The following NCOA3 variants were observed in gnomAD, a reference collection of about 807,000 sequenced individuals.
The protein encoded by NCOA3 is CBP-interacting protein.
Under a neutral mutation model 158.8 loss-of-function variants are expected in NCOA3, and 51 were observed. The observed-to-expected ratio is 0.32, with a 90% CI of 0.26 to 0.41. The LOEUF is 0.41. NCOA3 is among the 10% of genes least tolerant of loss of function. NCOA3 has a pLI of 1.00. For missense variants in NCOA3, 1,510 were observed against 1,746.6 expected, an observed-to-expected ratio of 0.86 and a Z score of 2.41; for synonymous variants, 537 against 592.4, an observed-to-expected ratio of 0.91 and a Z score of 1.36.
At chr20:47,610,146 T>C (rs1038733368) in intron 2 of NCOA3, among the ~76,000 whole-genome samples, 1 of 152,220 alleles carries the variant, frequency 6.6e-6, no homozygotes, top group Non-Finnish European at 1.5e-5. Flanking sequence ...TGTCATCAGA[T>C]GAATAATGGC....
At chr20:47,522,446 A>G (rs1176126981) in intron 1 of NCOA3, among the ~76,000 whole-genome samples, 2 of 140,844 alleles carry the variant, frequency 1.4e-5, no homozygotes, top group Non-Finnish European at 3.0e-5. Context: ...GAGAGAGTTT[A>G]ATAGGCAGAA....
At chr20:47,644,853 A>G (rs905966428) in intron 17 of NCOA3, among the ~76,000 whole-genome samples, 1 of 151,802 alleles carries the variant, frequency 6.6e-6, no homozygotes, top group African/African-American at 2.4e-5. Context: ...GCACGCCACC[A>G]CGCCCGGCTT....
At chr20:47,594,664 CAAAAAAAAAAAA>C (rs377014290) in intron 2 of NCOA3, among the ~76,000 whole-genome samples, 105 of 72,944 alleles carry the variant, frequency 1.4e-3, no homozygotes, top group African/African-American at 4.8e-3. Context: ...GACTCTGTCT[CAAAAAAAAAAAA>C]AAAAAAAAAA....
At chr20:47,593,230 G>A (rs1273385479) in intron 2 of NCOA3, among the ~76,000 whole-genome samples, 1 of 151,452 alleles carries the variant, frequency 6.6e-6, no homozygotes, top group South Asian at 2.1e-4. Flanking sequence ...ACTGCACCCG[G>A]CCACCACATA....
At chr20:47,532,906 C>A (rs2084569297) in intron 1 of NCOA3, among the ~76,000 whole-genome samples, 1 of 151,578 alleles carries the variant, frequency 6.6e-6, no homozygotes, top group South Asian at 2.1e-4. Context: ...AAGTTTGAGA[C>A]CAGCCTGGCC....
intron 1 of NCOA3, among the ~76,000 whole-genome samples, chr20:47,558,929 C>T (rs544070469): frequency 3.3e-5 from 5 of 151,524 alleles, no homozygotes; most frequent in African/African-American, 1.2e-4. Context: ...CAGTTTTCTC[C>T]AGCAGGAATT....
At position 47,647,224 on chromosome 20, in the gene NCOA3, T is replaced by C; in HGVS notation, c.3404T>C (p.Phe1135Ser). The change falls in exon 18 of 23, where the codon TTT becomes TCT. Residue 1135 changes from phenylalanine (F) to serine (S), a missense_variant. Physicochemically the swap from Phe to Ser is radical, Grantham distance 155 (BLOSUM62 -2). Coordinates refer to ENST00000371998, the MANE Select transcript of NCOA3 (RefSeq NM_181659.3). Reference sequence around the variant, plus strand: ...CATCTTCAGGGACAATCACCATCTTTTAACTCTATGATGAATCAGATGAAC... The same window carrying C: ...CATCTTCAGGGACAATCACCATCTTCTAACTCTATGATGAATCAGATGAAC... ...GFHLQGQSPS[F>S]NSMMNQMNQQ... 1 of 1,614,152 alleles carries C rather than the reference T, an allele frequency of 6.2e-7. No homozygotes were observed. Among genetic ancestry groups the C allele is most frequent in the Non-Finnish European group, 8.5e-7 (1 of 1,180,032 alleles).
At chr20:47,598,057 A>G (rs909655546) in intron 2 of NCOA3, among the ~76,000 whole-genome samples, 1 of 150,964 alleles carries the variant, frequency 6.6e-6, no homozygotes, top group Non-Finnish European at 1.5e-5. Context: ...CATCCTGGCT[A>G]ACGCAATGAA....
In NCOA3 at chr20:47,626,135, G is replaced by A. The variant is rs1475488799; in HGVS notation, c.357+654G>A. Among the ~76,000 whole-genome samples the A allele has an allele frequency of 5.9e-5, 9 of 152,262 alleles. No homozygotes were observed. In the East Asian group the frequency reaches 1.3e-3, roughly 23 times the overall value. ...TTTTGCGTGATTGATCACATGGCAC[G>A]CTATGGTTTTATATTCTTGAGGAAT... On this transcript the variant is annotated intron_variant, in intron 5 of 22. Coordinates refer to ENST00000371998, the MANE Select transcript of NCOA3 (RefSeq NM_181659.3).
At chr20:47,601,742 T>C (rs1334435884) in intron 2 of NCOA3, among the ~76,000 whole-genome samples, 1 of 152,238 alleles carries the variant, frequency 6.6e-6, no homozygotes, top group Non-Finnish European at 1.5e-5. Context: ...AAGTTGATAT[T>C]GAAAACCTTT....
rs566698671 is a variant in NCOA3, at chr20:47,549,984, C to T, written c.-98-33199C>T. Among the ~76,000 whole-genome samples the T allele has an allele frequency of 5.9e-5, 9 of 152,240 alleles. 1 individual carries two copies. In the South Asian group the frequency reaches 1.2e-3, roughly 21 times the overall value. On this transcript the variant is annotated intron_variant, in intron 1 of 22. Transcript: ENST00000371998. Reference sequence around the variant, plus strand: ...CCTCCCAGAGTGCTGGGATTACAGGCGTGAGCCACTGTGCTGGCTGTTCTT... The same window carrying T: ...CCTCCCAGAGTGCTGGGATTACAGGTGTGAGCCACTGTGCTGGCTGTTCTT...
intron 1 of NCOA3, among the ~76,000 whole-genome samples, chr20:47,570,037 C>T (rs1214246025): frequency 4.6e-5 from 7 of 151,926 alleles, no homozygotes; most frequent in Middle Eastern, 3.4e-3. Flanking sequence ...AAAAACCCTG[C>T]GGCTCCTTTA....
In NCOA3 at chr20:47,624,068, C is replaced by G; in HGVS notation, c.241C>G (p.Gln81Glu). 1 of 1,604,086 alleles carries G rather than the reference C, an allele frequency of 6.2e-7. No individual in the cohort carries two copies. Among genetic ancestry groups the G allele is most frequent in the Non-Finnish European group, 8.5e-7 (1 of 1,176,374 alleles). ...AAAGGAAACAGTAAGACAGATACGT[C>G]AAATAAAAGAGCAAGGTAATAAAAA... ...ILKETVRQIRQIKEQGKTISN... is the reference protein window; with the variant it reads ...ILKETVRQIREIKEQGKTISN... Residue 81 changes from glutamine to glutamate, a missense_variant, in exon 4 of 23, where the codon CAA (glutamine) becomes GAA (glutamate). Gln to Glu is a conservative substitution (Grantham distance 29, BLOSUM62 2). This residue lies in a region of NCOA3 where 309 missense variants were observed against 427.1 expected (regional missense o/e 0.72). Coordinates refer to ENST00000371998, the MANE Select transcript of NCOA3 (RefSeq NM_181659.3).
chr20:47,600,574 A>C (rs2085844655), intron 2 of NCOA3, among the ~76,000 whole-genome samples: 1 of 149,876 alleles, frequency 6.7e-6, no homozygotes, highest in South Asian at 2.1e-4. Flanking sequence ...GCTCTAGTGC[A>C]GTGGTGTGAT....
chr20:47,547,444 G>A (rs532617061), intron 1 of NCOA3, among the ~76,000 whole-genome samples: 4 of 151,174 alleles, frequency 2.6e-5, no homozygotes, highest in East Asian at 1.9e-4. Flanking sequence ...ACGGAGTCTC[G>A]CTCTGCCACC....
chr20:47,506,538 A>G (rs1234488971), intron 1 of NCOA3, among the ~76,000 whole-genome samples: 2 of 152,170 alleles, frequency 1.3e-5, no homozygotes, highest in Admixed American at 6.5e-5. Flanking sequence ...CTTTGTTAGC[A>G]TTAACTCAGT....
chr20:47,636,634 G>A lies in NCOA3; in HGVS notation c.2248G>A (p.Ala750Thr), dbSNP rs894357444. 3.7e-6 allele frequency: 6 copies of A among 1,614,204 alleles called. No homozygotes were observed. The highest frequency in any genetic ancestry group is 4.2e-6 in the Non-Finnish European group (5 of 1,180,032). ...GCTGGACAGGGATGATCCTAGTGAT[G>A]CACTCTCTAAAGAACTACAGCCCCA... Reference protein sequence around the residue: ...YLLDRDDPSDALSKELQPQVE... With the variant: ...YLLDRDDPSDTLSKELQPQVE... The change falls in exon 12 of 23, where the codon GCA (alanine) becomes ACA (threonine). Residue 750 changes from alanine (A) to threonine (T), a missense_variant. By Grantham distance (58) the Ala-to-Thr change is moderately conservative. Around this residue, in one of 4 missense-constraint regions of NCOA3, gnomAD observed 1,017 missense variants for 1,098.3 expected, o/e 0.93. Coordinates refer to ENST00000371998, the MANE Select transcript of NCOA3 (RefSeq NM_181659.3).
intron 2 of NCOA3, among the ~76,000 whole-genome samples, chr20:47,610,948 A>G (rs1272885922): frequency 1.3e-5 from 2 of 151,838 alleles, no homozygotes; most frequent in African/African-American, 4.8e-5. Context: ...CTCTACAGGC[A>G]CTCTGGTTTA....
At chr20:47,592,426 A>G (rs1047525717) in intron 2 of NCOA3, among the ~76,000 whole-genome samples, 3 of 152,178 alleles carry the variant, frequency 2.0e-5, no homozygotes, top group African/African-American at 7.2e-5. Flanking sequence ...CAAATTGGAT[A>G]ATTCTTTTGA....
Sources: allele counts gnomAD v4.1 joint callset (sites outside exome capture counted in the v4.1 genomes callset), GRCh38; gene constraint gnomAD v4.1.1; regional missense constraint gnomAD v4.1.1; transcripts MANE v1.5; gene names NCBI Gene and HGNC (gene_info 2026-07-23, HGNC 2026-07-21).